CDH12: variants seen among roughly 807,000 people sequenced by gnomAD.
CDH12 encodes the protein cadherin 12, also known as cadherin-12.
In CDH12, 41 loss-of-function variants were observed where a neutral mutation model predicts 74.1. That is an observed-to-expected ratio of 0.55 (90% confidence interval 0.43 to 0.72). The LOEUF (loss-of-function observed/expected upper bound fraction) is 0.72, where lower values mean the gene tolerates loss of function less well. Among genes scored for constraint, CDH12 ranks in the 30% least tolerant of loss-of-function variants. The pLI, the probability that CDH12 is intolerant of heterozygous loss-of-function variation, is 0.00. For missense variants in CDH12, 945 were observed against 977.2 expected, an observed-to-expected ratio of 0.97 and a Z score of 0.44; for synonymous variants, 399 against 355.0, an observed-to-expected ratio of 1.12 and a Z score of -1.39.
At chr5:22,469,779 T>A (rs1267140867) in intron 2 of CDH12, among the ~76,000 whole-genome samples, 1 of 152,198 alleles carries the variant, frequency 6.6e-6, no homozygotes, top group Non-Finnish European at 1.5e-5. Context: ...AAATCATGAA[T>A]GTGCAGCAGC....
chr5:22,769,610 A>C (rs1192028196), intron 1 of CDH12, among the ~76,000 whole-genome samples: 1 of 151,880 alleles, frequency 6.6e-6, no homozygotes, highest in Non-Finnish European at 1.5e-5. Flanking sequence ...ACTCCCCTTC[A>C]TATATACATC....
intron 1 of CDH12, among the ~76,000 whole-genome samples, chr5:22,601,567 C>A (rs1425821805): frequency 6.6e-6 from 1 of 151,888 alleles, no homozygotes; most frequent in African/African-American, 2.4e-5. Context: ...CTTCAGTAAC[C>A]AAAATATTTT....
At chr5:21,942,347 TACACACAC>T (rs70957081) in intron 6 of CDH12, among the ~76,000 whole-genome samples, 1,919 of 129,620 alleles carry the variant, frequency 0.015, 72 homozygotes, top group East Asian at 0.088. Context: ...TATATATATA[TACACACAC>T]ACACACACAC....
chr5:22,486,024 C>CGTT (rs1186856901), intron 2 of CDH12, among the ~76,000 whole-genome samples: 2 of 152,172 alleles, frequency 1.3e-5, no homozygotes, highest in African/African-American at 4.8e-5. Context: ...GCAGGACCAA[C>CGTT]GCAGCTGGAA....
intron 3 of CDH12, among the ~76,000 whole-genome samples, chr5:22,294,243 G>C (rs978059359): frequency 6.6e-6 from 1 of 152,142 alleles, no homozygotes; most frequent in African/African-American, 2.4e-5. Context: ...TGAGGGAAGA[G>C]TGTTCCCTGT....
chr5:22,361,802 C>A (rs1467883921), intron 3 of CDH12, among the ~76,000 whole-genome samples: 1 of 152,104 alleles, frequency 6.6e-6, no homozygotes, highest in African/African-American at 2.4e-5. Flanking sequence ...TGATCTTCGA[C>A]AAACTTGACA....
At chr5:22,556,513 A>G (rs767768064) in intron 1 of CDH12, among the ~76,000 whole-genome samples, 2 of 152,112 alleles carry the variant, frequency 1.3e-5, no homozygotes. Flanking sequence ...CCTTCAGTCC[A>G]GCCTTTCTAC....
chr5:22,836,824 C>G (rs1000541443), intron 1 of CDH12, among the ~76,000 whole-genome samples: 3 of 152,154 alleles, frequency 2.0e-5, no homozygotes, highest in Admixed American at 6.5e-5. Flanking sequence ...TCCACCATGT[C>G]TTTGGGAAAT....
intron 9 of CDH12, among the ~76,000 whole-genome samples, chr5:21,807,142 C>A (rs970420836): frequency 6.6e-6 from 1 of 152,070 alleles, no homozygotes; most frequent in African/African-American, 2.4e-5. Flanking sequence ...TCACTCTAAC[C>A]CCACCCAGAT....
chr5:22,138,952 C>T (rs1164003850), intron 4 of CDH12, among the ~76,000 whole-genome samples: 7 of 145,698 alleles, frequency 4.8e-5, no homozygotes, highest in Admixed American at 1.4e-4. Context: ...GTTGTTCATG[C>T]TTAATATAAA....
intron 4 of CDH12, among the ~76,000 whole-genome samples, chr5:22,091,935 G>A (rs1431968921): frequency 6.6e-6 from 1 of 151,700 alleles, no homozygotes; most frequent in Non-Finnish European, 1.5e-5. Context: ...TGGTGGCAGT[G>A]GAGGATTAAA....
At chr5:22,358,418 A>G (rs751567917) in intron 3 of CDH12, among the ~76,000 whole-genome samples, 1 of 151,622 alleles carries the variant, frequency 6.6e-6, no homozygotes, top group Non-Finnish European at 1.5e-5. Context: ...GTCTCCCAGA[A>G]AAAAAAAAGA....
At chr5:22,735,637 A>G (rs1744665868) in intron 1 of CDH12, among the ~76,000 whole-genome samples, 1 of 151,948 alleles carries the variant, frequency 6.6e-6, no homozygotes, top group Non-Finnish European at 1.5e-5. Context: ...TTATTTTTAC[A>G]CATTATATCA....
At chr5:22,494,714 G>T (rs762414011) in intron 2 of CDH12, among the ~76,000 whole-genome samples, 25 of 152,148 alleles carry the variant, frequency 1.6e-4, no homozygotes, top group Admixed American at 6.5e-5. Context: ...TACTCTACCA[G>T]GTGGGGCAGT....
intron 6 of CDH12, among the ~76,000 whole-genome samples, chr5:21,905,410 A>G (rs1421541417): frequency 1.3e-5 from 2 of 152,332 alleles, no homozygotes; most frequent in East Asian, 3.9e-4. Flanking sequence ...GGCACTGGAA[A>G]TACAGCAGTG....
chr5:22,177,202 G>C (rs139683347), intron 4 of CDH12, among the ~76,000 whole-genome samples: 2 of 152,242 alleles, frequency 1.3e-5, no homozygotes, highest in African/African-American at 4.8e-5. Flanking sequence ...CTGATTAATG[G>C]AAATGTTGAC....
At chr5:21,849,511 C>T (rs1000349976) in intron 7 of CDH12, among the ~76,000 whole-genome samples, 4 of 151,662 alleles carry the variant, frequency 2.6e-5, no homozygotes, top group African/African-American at 4.8e-5. Context: ...TTCCTTGACA[C>T]AGTTTTCTTT....
rs531108177 is a variant in CDH12, at chr5:22,065,007, T to C, written c.231+13439A>G. Reference sequence around the variant, plus strand: ...TGGAATGAGCATGTTTGGGAAGACCTTGATGAAGCTGGAGACACTAAGCTC... The same window carrying C: ...TGGAATGAGCATGTTTGGGAAGACCCTGATGAAGCTGGAGACACTAAGCTC... On this transcript the variant is annotated intron_variant, in intron 5 of 14. Transcript: ENST00000382254. 2.0e-5 allele frequency among the ~76,000 whole-genome samples: 3 copies of C among 152,290 alleles called. No homozygotes were observed. In the South Asian group the frequency reaches 6.2e-4, roughly 32 times the overall value.
chr5:22,234,396 A>G (rs1752490308), intron 3 of CDH12, among the ~76,000 whole-genome samples: 1 of 152,164 alleles, frequency 6.6e-6, no homozygotes, highest in Non-Finnish European at 1.5e-5. Flanking sequence ...AAGTCTCACA[A>G]GATCTGATGG....
Sources: gnomAD v4.1 joint callset for allele counts (sites outside exome capture counted in the v4.1 genomes callset) on GRCh38, gnomAD v4.1.1 for gene constraint, MANE v1.5 for transcripts, NCBI Gene and HGNC (gene_info 2026-07-23, HGNC 2026-07-21) for gene names.